PDE1C: variants seen among roughly 807,000 people sequenced by gnomAD.
PDE1C encodes the protein dual specificity calcium/calmodulin-dependent 3',5'-cyclic nucleotide phosphodiesterase 1C.
PDE1C carries 62 observed loss-of-function variants against 93.1 expected under a neutral mutation model. The ratio of observed to expected loss-of-function variants is 0.67; its 90% CI spans 0.54 to 0.82. The LOEUF is 0.82. Among genes scored for constraint, PDE1C ranks in the 40% least tolerant of loss-of-function variants. PDE1C has a pLI of 0.00. For synonymous variants in PDE1C, 325 were observed against 310.1 expected (o/e 1.05, Z -0.50); for missense variants, 742 against 884.6 (o/e 0.84, Z 2.04).
At chr7:32,236,156 A>G (rs1322995167) in intron 1 of PDE1C, among the ~76,000 whole-genome samples, 1 of 152,170 alleles carries the variant, frequency 6.6e-6, no homozygotes, top group Non-Finnish European at 1.5e-5. Context: ...TAGATCATAG[A>G]TCTAAATATA....
chr7:31,964,491 AAGG>A (rs1255482299), intron 2 of PDE1C, among the ~76,000 whole-genome samples: 1 of 152,224 alleles, frequency 6.6e-6, no homozygotes, highest in African/African-American at 2.4e-5. Context: ...ACCACAGCTC[AAGG>A]AGGCCTGCCT....
intron 3 of PDE1C, among the ~76,000 whole-genome samples, chr7:32,147,312 G>GAAAGAAA (rs1563352923): frequency 6.9e-6 from 1 of 145,436 alleles, no homozygotes; most frequent in Admixed American, 6.7e-5. Flanking sequence ...AAGAAAGAAA[G>GAAAGAAA]AAAGAAAGAA....
intron 2 of PDE1C, among the ~76,000 whole-genome samples, chr7:31,996,814 C>G (rs1784784483): frequency 6.6e-6 from 1 of 151,962 alleles, no homozygotes; most frequent in Non-Finnish European, 1.5e-5. Context: ...TTTGAAAACT[C>G]AAGAAGTAGT....
chr7:32,241,657 G>A (rs1349557825), intron 1 of PDE1C, among the ~76,000 whole-genome samples: 1 of 152,146 alleles, frequency 6.6e-6, no homozygotes, highest in Non-Finnish European at 1.5e-5. Context: ...AAAAATGGAG[G>A]CCATTAGAGC....
intron 1 of PDE1C, among the ~76,000 whole-genome samples, chr7:32,377,514 C>G (rs1784453548): frequency 6.6e-6 from 1 of 152,144 alleles, no homozygotes. Flanking sequence ...GTTGCTTTGT[C>G]TTGCCATTGA....
chr7:31,803,644 G>A (rs898404405), intron 16 of PDE1C, among the ~76,000 whole-genome samples: 4 of 151,842 alleles, frequency 2.6e-5, no homozygotes, highest in African/African-American at 9.7e-5. Context: ...GAGAACATGC[G>A]GTGTTTCATT....
chr7:31,818,555 G>T (rs17160579), intron 14 of PDE1C, among the ~76,000 whole-genome samples: 4,638 of 152,242 alleles, frequency 0.03, 241 homozygotes, highest in African/African-American at 0.11. Flanking sequence ...ATCTTCATCA[G>T]TCCTCAGCAA....
At chr7:32,132,251 A>C (rs921103785) in intron 3 of PDE1C, among the ~76,000 whole-genome samples, 3 of 152,142 alleles carry the variant, frequency 2.0e-5, no homozygotes, top group Admixed American at 6.6e-5. Flanking sequence ...TCCAGGTGGG[A>C]GCCAGCCATG....
chr7:32,145,144 T>C (rs1800761741), intron 3 of PDE1C, among the ~76,000 whole-genome samples: 1 of 152,158 alleles, frequency 6.6e-6, no homozygotes, highest in South Asian at 2.1e-4. Context: ...AAGATAACTG[T>C]GATGGCAAAA....
chr7:31,976,789 G>A (rs566049108), intron 2 of PDE1C, among the ~76,000 whole-genome samples: 1 of 152,214 alleles, frequency 6.6e-6, no homozygotes, highest in African/African-American at 2.4e-5. Flanking sequence ...GTTTCCCATT[G>A]TACTTAGAAT....
At chr7:31,643,231 G>T in the PDE1C span, 4 of 1,613,876 alleles carry the variant, frequency 2.5e-6, no homozygotes, top group Middle Eastern at 1.6e-4. Context: ...ACGAGAAGAG[G>T]AAAGCAGTGG....
intron 3 of PDE1C, among the ~76,000 whole-genome samples, chr7:32,082,179 G>A (rs112480443): frequency 0.048 from 7,295 of 152,206 alleles, 409 homozygotes; most frequent in African/African-American, 0.16. Flanking sequence ...CTTTTCCGAC[G>A]GGCTTAAAAA....
chr7:32,388,954 C>T (rs1784693821), intron 1 of PDE1C, among the ~76,000 whole-genome samples: 1 of 152,078 alleles, frequency 6.6e-6, no homozygotes, highest in South Asian at 2.1e-4. Flanking sequence ...GAAAGTGATG[C>T]CAGGTTGACT....
intron 1 of PDE1C, among the ~76,000 whole-genome samples, chr7:32,411,428 T>C (rs755578318): frequency 1.3e-5 from 2 of 152,230 alleles, no homozygotes; most frequent in Non-Finnish European, 2.9e-5. Context: ...CTAAATCCTG[T>C]AGGCAATGGC....
At chr7:31,963,947 T>A (rs1809452472) in intron 2 of PDE1C, among the ~76,000 whole-genome samples, 1 of 152,136 alleles carries the variant, frequency 6.6e-6, no homozygotes. Flanking sequence ...ACTTTATCTG[T>A]GTTAGGTGTT....
chr7:31,887,833 A>G (rs564642023), intron 2 of PDE1C, among the ~76,000 whole-genome samples: 17 of 152,356 alleles, frequency 1.1e-4, no homozygotes, highest in Non-Finnish European at 1.5e-5. Context: ...AAGTGTATGG[A>G]AATTTAGAAA....
chr7:32,013,469 C>T (rs1787443832), intron 2 of PDE1C, among the ~76,000 whole-genome samples: 1 of 152,186 alleles, frequency 6.6e-6, no homozygotes, highest in African/African-American at 2.4e-5. Context: ...TTGACACATC[C>T]ACCCTACTGC....
chr7:32,203,874 CAGAT>C, intron 2 of PDE1C, among the ~76,000 whole-genome samples: 1 of 152,176 alleles, frequency 6.6e-6, no homozygotes, highest in East Asian at 1.9e-4. Context: ...TACAGTTTCA[CAGAT>C]AGAAAATTCG....
intron 5 of PDE1C, among the ~76,000 whole-genome samples, chr7:31,876,211 T>A (rs1468866725): frequency 6.6e-6 from 1 of 152,066 alleles, no homozygotes; most frequent in African/African-American, 2.4e-5. Context: ...ACTTCCCCAG[T>A]AAACAGGGGA....
Sources: allele counts gnomAD v4.1 joint callset (sites outside exome capture counted in the v4.1 genomes callset), GRCh38; gene constraint gnomAD v4.1.1; transcripts MANE v1.5; gene names NCBI Gene and HGNC (gene_info 2026-07-23, HGNC 2026-07-21).